PHF14: variants seen among roughly 807,000 people sequenced by gnomAD.
PHF14 encodes PHD finger protein 14.
PHF14 carries 55 observed loss-of-function variants against 117.9 expected under a neutral mutation model. The ratio of observed to expected loss-of-function variants is 0.47; its 90% confidence interval spans 0.38 to 0.58. PHF14 has a LOEUF of 0.58. Ranked by LOEUF, PHF14 falls within the 20% of genes least tolerant of loss-of-function variation. PHF14 has a pLI of 0.00. For missense variants in PHF14, 978 were observed against 1,122.2 expected (o/e 0.87, Z 1.84); for synonymous variants, 409 against 368.6 (o/e 1.11, Z -1.26).
chr7:11,140,665 T>G (rs1788374101), intron 17 of PHF14, among the ~76,000 whole-genome samples: 1 of 152,128 alleles, frequency 6.6e-6, no homozygotes, highest in South Asian at 2.1e-4. Context: ...CAGAAATATT[T>G]AAAGAGACTA....
rs1307823407 is a variant in PHF14, at chr7:10,984,372, G to A, written c.900+1213G>A. 3.9e-5 allele frequency among the ~76,000 whole-genome samples: 6 copies of A among 152,190 alleles called. No homozygotes were observed. The East Asian group carries it at 1.2e-3, about 29-fold the overall frequency. ...TATTTTATATGAAAAAATATTGCCT[G>A]CCTTCAATGTCATTCTAATTCTTAC... On this transcript the variant is annotated intron_variant, in intron 3 of 17. Transcript: ENST00000634607.
chr7:11,076,513 A>G (rs1336549374), intron 16 of PHF14, among the ~76,000 whole-genome samples: 1 of 148,414 alleles, frequency 6.7e-6, no homozygotes, highest in Non-Finnish European at 1.5e-5. Flanking sequence ...CATCGCACAG[A>G]TTGGGAACTG....
intron 1 of PHF14, 38 bp from the exon 2 acceptor site, chr7:10,974,797 T>G: frequency 9.9e-7 from 1 of 1,007,914 alleles, no homozygotes; most frequent in South Asian, 1.4e-5. Context: ...GTGTTTGGTG[T>G]GATTATGAAT....
chr7:11,061,532 C>A, intron 14 of PHF14: 1 of 248,028 alleles, frequency 4.0e-6, no homozygotes, highest in Admixed American at 5.3e-5. Flanking sequence ...TTGGAGAATT[C>A]ATTTTTTTTC....
intron 17 of PHF14, among the ~76,000 whole-genome samples, chr7:11,168,284 C>A (rs1040495327): frequency 3.4e-4 from 52 of 152,122 alleles, no homozygotes; most frequent in African/African-American, 1.2e-3. Flanking sequence ...GATAATTTCT[C>A]TACTTTCCCA....
Position 11,061,974 on chromosome 7 carries a change from C to G in PHF14, c.2543C>G (p.Pro848Arg). 6.3e-7 allele frequency: 1 copy of G among 1,595,936 alleles called. No homozygotes were observed. ...TCCCTTGTATGGCAGGAAAGAGTTC[C>G]TAGAGAGAGAAGACAAAGACAGTCT... ...PEEEKHEERV[P>R]RERRQRQSVL... Residue 848 changes from proline to arginine, a missense_variant, in exon 16 of 18, where the codon CCT becomes CGT. Around this residue, in one of 7 missense-constraint regions of PHF14, gnomAD observed 180 missense variants for 195.4 expected, o/e 0.92. Transcript: ENST00000634607.
chr7:11,070,128 A>T (rs73063450), intron 16 of PHF14, among the ~76,000 whole-genome samples: 7,528 of 151,998 alleles, frequency 0.05, 350 homozygotes, highest in East Asian at 0.23. Context: ...TTTTTGTTTG[A>T]GACAAGGTCT....
chr7:11,064,939 T>C (rs1230138340), intron 16 of PHF14, among the ~76,000 whole-genome samples: 1 of 152,050 alleles, frequency 6.6e-6, no homozygotes, highest in Non-Finnish European at 1.5e-5. Context: ...ACAGTAGTAT[T>C]ATTTAGTAAC....
Position 11,104,840 on chromosome 7 carries a change from T to A in PHF14, c.2655-6510T>A, listed in dbSNP as rs1787206938. 5 of 869,820 alleles carry A rather than the reference T, an allele frequency of 5.7e-6. No homozygotes were observed. In the South Asian group the frequency reaches 1.6e-4, roughly 28 times the overall value. 53.9% of individuals were successfully genotyped at this position (869,820 alleles called of 1,614,324 possible). A position where few individuals can be genotyped will look rare whatever the true frequency, so the allele number is the denominator to read the frequency against. On this transcript the variant is annotated intron_variant, in intron 16 of 17. Coordinates refer to ENST00000634607, the MANE Select transcript of PHF14 (RefSeq NM_001007157.2). ...CCAGCTGATGCTGATGCTACTGGCC[T>A]GGAACACCACATTAAGAACCATTCA...
intron 8 of PHF14, among the ~76,000 whole-genome samples, 154 bp downstream of exon 8, chr7:11,035,940 AT>A (rs1157743517): frequency 6.6e-6 from 1 of 152,108 alleles, no homozygotes; most frequent in Non-Finnish European, 1.5e-5. Context: ...AGTGAGTATA[AT>A]TTTTGGCTGA....
intron 4 of PHF14, among the ~76,000 whole-genome samples, chr7:11,010,916 A>G (rs1266479223): frequency 6.6e-6 from 1 of 152,096 alleles, no homozygotes; most frequent in Non-Finnish European, 1.5e-5. Context: ...CAGCCTCCCA[A>G]AGCATTGGGA....
chr7:11,091,060 G>A (rs940808834), intron 16 of PHF14, among the ~76,000 whole-genome samples: 2 of 152,152 alleles, frequency 1.3e-5, no homozygotes, highest in African/African-American at 4.8e-5. Flanking sequence ...TTGAAGACAA[G>A]GGATGATACA....
At chr7:11,073,890 A>G (rs1785718861) in intron 16 of PHF14, among the ~76,000 whole-genome samples, 1 of 152,156 alleles carries the variant, frequency 6.6e-6, no homozygotes, top group Non-Finnish European at 1.5e-5. Context: ...AGCTAGCTGT[A>G]CCTGGTGATG....
At chr7:11,078,108 AAG>A (rs770395986) in intron 16 of PHF14, among the ~76,000 whole-genome samples, 197 of 152,286 alleles carry the variant, frequency 1.3e-3, no homozygotes, top group South Asian at 1.9e-3. Context: ...TTTCTGACGA[AAG>A]AGAAGAGAAG....
rs759311149 is a variant in PHF14 at position 10,974,301 on chromosome 7, A to G, written c.-23A>G. 7.2e-5 allele frequency: 115 copies of G among 1,586,914 alleles called. No homozygotes were observed. Among genetic ancestry groups the G allele is most frequent in the Admixed American group, 8.8e-5 (5 of 57,102 alleles). On this transcript the variant is annotated 5_prime_UTR_variant, in exon 1 of 18. Transcript: ENST00000634607. ...GCAGCCTCTCCCTAAGTCTTCTCCA[A>G]ACGACCACCTCACGGATTCCTTAGT...
At chr7:11,077,783 G>A (rs1343847627) in intron 16 of PHF14, among the ~76,000 whole-genome samples, 1 of 151,996 alleles carries the variant, frequency 6.6e-6, no homozygotes, top group African/African-American at 2.4e-5. Context: ...AATGAGTGGA[G>A]CAATACAAGG....
At chr7:11,153,333 C>G (rs1321817512) in intron 17 of PHF14, among the ~76,000 whole-genome samples, 1 of 152,006 alleles carries the variant, frequency 6.6e-6, no homozygotes, top group African/African-American at 2.4e-5. Context: ...GGAATGACCC[C>G]TAGAGTTTGT....
chr7:11,044,404 T>TA (rs1340727148), intron 13 of PHF14, among the ~76,000 whole-genome samples: 1 of 152,176 alleles, frequency 6.6e-6, no homozygotes, highest in Admixed American at 6.6e-5. Flanking sequence ...GTAAACAACT[T>TA]AGAGCCTTTT....
chr7:11,052,518 G>A (rs1284916971), intron 14 of PHF14, among the ~76,000 whole-genome samples: 1 of 152,050 alleles, frequency 6.6e-6, no homozygotes, highest in Non-Finnish European at 1.5e-5. Context: ...GATTTGCTAA[G>A]TTACAGACTA....
Sources: gnomAD v4.1 joint callset for allele counts (sites outside exome capture counted in the v4.1 genomes callset) on GRCh38, gnomAD v4.1.1 for gene constraint, gnomAD v4.1.1 regional missense constraint, MANE v1.5 for transcripts, NCBI Gene and HGNC (gene_info 2026-07-23, HGNC 2026-07-21) for gene names.